Variants in SLC12A7 observed in about 807,000 individuals in gnomAD.
SLC12A7 encodes the protein K-Cl cotransporter 4.
In SLC12A7, 100 loss-of-function variants were observed where a neutral mutation model predicts 120.6. That is an observed-to-expected ratio of 0.83 (90% CI 0.71 to 0.98). SLC12A7 has a LOEUF of 0.98. SLC12A7 is among the 50% of genes least tolerant of loss of function. SLC12A7 has a pLI of 0.00. For missense variants in SLC12A7, 1,373 were observed against 1,548.1 expected (o/e 0.89, Z 1.90); for synonymous variants, 760 against 678.0 (o/e 1.12, Z -1.88).
In SLC12A7 at chr5:1,076,204, A is replaced by G. The variant is rs956312071; in HGVS notation, c.1781T>C (p.Leu594Pro). Residue 594 changes from leucine to proline, a missense_variant, in exon 14 of 24, where the codon CTG becomes CCG. Physicochemically the swap from Leu to Pro is moderately conservative, Grantham distance 98. Transcript: ENST00000264930. ...TAGCAGGGTCTGCACGGCGCAGGCC[A>G]GGTTCACGAACAGGTAGCACATGAG... Reference protein sequence around the residue: ...FFLMCYLFVNLACAVQTLLRT... With the variant: ...FFLMCYLFVNPACAVQTLLRT... 6.2e-7 allele frequency: 1 copy of G among 1,611,940 alleles called. No homozygotes were observed. Among genetic ancestry groups the G allele is most frequent in the African/African-American group, 1.3e-5 (1 of 74,934 alleles).
In SLC12A7 at chr5:1,078,838, T is replaced by TG. The variant is rs1328550282; in HGVS notation, c.1397-81dup. 5.3e-3 allele frequency: 117 copies of TG among 21,946 alleles called. 2 individuals carry two copies. The highest frequency in any genetic ancestry group is 7.3e-3 in the Non-Finnish European group (93 of 12,720). 1.4% of individuals were successfully genotyped at this position (21,946 alleles called of 1,614,324 possible). On this transcript the variant is annotated intron_variant, in intron 10 of 23. Coordinates refer to ENST00000264930, the MANE Select transcript of SLC12A7 (RefSeq NM_006598.3). ...GGGGGTGGGGTGGGGTGGGGTGGGG[T>TG]GGGTGGGGAGATGCACTGGCCAGCG... is the stretch of plus-strand genomic sequence containing the variant.
At chr5:1,064,506 C>T (rs1736704365) in intron 18 of SLC12A7, among the ~76,000 whole-genome samples, 1 of 152,264 alleles carries the variant, frequency 6.6e-6, no homozygotes, top group Non-Finnish European at 1.5e-5. Context: ...TGCCTGGACA[C>T]TTTCAGATGG....
At chr5:1,086,839 C>A in intron 6 of SLC12A7, 64 bp downstream of exon 6, 2 of 1,588,120 alleles carry the variant, frequency 1.3e-6, no homozygotes, top group Non-Finnish European at 1.7e-6. Context: ...GTGGGTCAGG[C>A]AGGGCCCCTT....
intron 17 of SLC12A7, among the ~76,000 whole-genome samples, chr5:1,067,101 C>T (rs1054062043): frequency 1.3e-5 from 2 of 152,222 alleles, no homozygotes; most frequent in Non-Finnish European, 2.9e-5. Flanking sequence ...CCCCACTCCT[C>T]CTCAGGCACC....
At chr5:1,091,924 G>A (rs574693146) in intron 3 of SLC12A7, among the ~76,000 whole-genome samples, 24 of 137,056 alleles carry the variant, frequency 1.8e-4, no homozygotes, top group South Asian at 1.3e-3. Context: ...GCTACAGACA[G>A]GGGGGGCGGC....
chr5:1,057,678 G>C (rs1191231876), intron 21 of SLC12A7, 29 bp from the exon 22 acceptor site: 1 of 1,575,460 alleles, frequency 6.3e-7, no homozygotes, highest in Non-Finnish European at 8.6e-7. Flanking sequence ...GGTGAGACCA[G>C]CCGGTCTCAA....
chr5:1,066,609 G>C (rs1269261981), intron 17 of SLC12A7, among the ~76,000 whole-genome samples: 1 of 152,214 alleles, frequency 6.6e-6, no homozygotes, highest in African/African-American at 2.4e-5. Flanking sequence ...CTTTATGGAT[G>C]TATTGAAGAA....
the SLC12A7 span, among the ~76,000 whole-genome samples, chr5:1,118,245 G>C: frequency 2.6e-3 from 396 of 152,282 alleles, 1 homozygote; most frequent in Non-Finnish European, 3.5e-3. Context: ...CCAGCTCTGC[G>C]TGAGTCATTC....
chr5:1,123,596 G>A, the SLC12A7 span, among the ~76,000 whole-genome samples: 14 of 152,240 alleles, frequency 9.2e-5, no homozygotes, highest in Non-Finnish European at 1.5e-4. Context: ...CAATGAGGCC[G>A]GCCAGAGACC....
chr5:1,077,217 C>T (rs1362028720), intron 12 of SLC12A7, among the ~76,000 whole-genome samples: 1 of 152,254 alleles, frequency 6.6e-6, no homozygotes, highest in African/African-American at 2.4e-5. Context: ...TTCCTGGACA[C>T]CATGCCCTAG....
chr5:1,148,300 A>G, the SLC12A7 span, among the ~76,000 whole-genome samples: 7 of 133,638 alleles, frequency 5.2e-5, no homozygotes, highest in Admixed American at 1.8e-4. Context: ...TCCGCCTCCC[A>G]GGTTCACACC....
Position 1,086,952 on chromosome 5 carries a change from G to A in SLC12A7, c.626C>T (p.Thr209Met), listed in dbSNP as rs759971032. 4.3e-5 allele frequency: 70 copies of A among 1,612,756 alleles called. No homozygotes were observed. The highest frequency in any genetic ancestry group is 5.6e-5 in the Non-Finnish European group (66 of 1,180,012). ...AATATACATGGCCCCTGCAAACGTC[G>A]TGCCCAGGTAGAAGCAGAGGCCGAC... The part of the protein sequence containing the change: ...GAVGLCFYLG[T>M]TFAGAMYILG... Residue 209 changes from threonine to methionine, a missense_variant, in exon 6 of 24, where the codon ACG becomes ATG. Transcript: ENST00000264930.
chr5:1,105,305 A>AG (rs1742423773), intron 1 of SLC12A7, among the ~76,000 whole-genome samples: 1 of 131,116 alleles, frequency 7.6e-6, no homozygotes. Flanking sequence ...CACCAGTCAA[A>AG]AGGACCCTCC....
At chr5:1,109,738 G>A (rs1406947774) in intron 1 of SLC12A7, among the ~76,000 whole-genome samples, 1 of 152,206 alleles carries the variant, frequency 6.6e-6, no homozygotes, top group East Asian at 1.9e-4. Flanking sequence ...GGCTCAGGAC[G>A]CCCTCTCCAC....
At chr5:1,073,597 G>A in intron 17 of SLC12A7, 36 bp downstream of exon 17, 1 of 1,573,516 alleles carries the variant, frequency 6.4e-7, no homozygotes, top group Non-Finnish European at 8.6e-7. Context: ...GCTGGGGTGG[G>A]AAAGAGGCCT....
chr5:1,070,031 ATGC>A lies in SLC12A7; in HGVS notation c.2241+3599_2241+3601del, dbSNP rs1737513921. On this transcript the variant is annotated intron_variant, in intron 17 of 23. Coordinates refer to ENST00000264930, the MANE Select transcript of SLC12A7 (RefSeq NM_006598.3). ...CCCCCAGCACACGGGCATCACACTT[ATGC>A]AGCCCCCAGTGAGCCCCCAGTGAGC... Among the ~76,000 whole-genome samples, 22 of 27,244 alleles carry A rather than the reference ATGC, an allele frequency of 8.1e-4. 2 individuals are homozygous for A. The highest frequency in any genetic ancestry group is 3.3e-3 in the Admixed American group (6 of 1,820). 17.9% of individuals were successfully genotyped at this position (27,244 alleles called of 152,430 possible). A position where few individuals can be genotyped will look rare whatever the true frequency, so the allele number is the denominator to read the frequency against.
At chr5:1,113,057 C>T (rs1213643235), upstream of SLC12A7, among the ~76,000 whole-genome samples, 1 of 152,088 alleles carries the variant, frequency 6.6e-6, no homozygotes, top group African/African-American at 2.4e-5. Context: ...ACCAGGATAC[C>T]ACCGGCCAGC....
the SLC12A7 span, among the ~76,000 whole-genome samples, chr5:1,136,894 C>T: frequency 2.7e-5 from 4 of 148,330 alleles, no homozygotes; most frequent in South Asian, 2.1e-4. Flanking sequence ...CAGCAGGACA[C>T]GCAGGCACAC....
At chr5:1,149,131 G>A in the SLC12A7 span, among the ~76,000 whole-genome samples, 107 of 64,598 alleles carry the variant, frequency 1.7e-3, no homozygotes, top group African/African-American at 4.3e-3. Flanking sequence ...ATCCTACGAT[G>A]CCGCACCCAG....
Sources: gnomAD v4.1 joint callset for allele counts (sites outside exome capture counted in the v4.1 genomes callset) on GRCh38, gnomAD v4.1.1 for gene constraint, MANE v1.5 for transcripts, NCBI Gene and HGNC (gene_info 2026-07-23, HGNC 2026-07-21) for gene names.